Variants in SRD5A1 observed in about 807,000 individuals in gnomAD.
SRD5A1 encodes the protein 3-oxo-5-alpha-steroid 4-dehydrogenase 1.
A neutral mutation model predicts 28.2 loss-of-function variants in SRD5A1; 22 were observed. That is an observed-to-expected ratio of 0.78 (90% CI 0.56 to 1.12). The LOEUF is 1.12. Among genes scored for constraint, SRD5A1 ranks in the 50% most tolerant of loss-of-function variants. SRD5A1 has a pLI of 0.00. For synonymous variants in SRD5A1, 151 were observed against 135.0 expected, an observed-to-expected ratio of 1.12 and a Z score of -0.82; for missense variants, 300 against 346.7, an observed-to-expected ratio of 0.87 and a Z score of 1.07.
At chr5:6,641,292 C>T (rs944635379) in intron 1 of SRD5A1, among the ~76,000 whole-genome samples, 6 of 152,270 alleles carry the variant, frequency 3.9e-5, no homozygotes, top group Middle Eastern at 3.4e-3. Context: ...CCCCACCCCA[C>T]GCGAGTTCCA....
chr5:6,664,228 G>A (rs8192226), intron 4 of SRD5A1, among the ~76,000 whole-genome samples: 3,676 of 152,248 alleles, frequency 0.024, 165 homozygotes, highest in African/African-American at 0.083. Context: ...CTACTTCATG[G>A]AGTTTATCAT....
chr5:6,646,643 G>A (rs7736897), intron 1 of SRD5A1, among the ~76,000 whole-genome samples: 28,786 of 151,802 alleles, frequency 0.19, 3,261 homozygotes, highest in East Asian at 0.49. Context: ...ATTTTTTATT[G>A]CATCTATTTG....
At chr5:6,663,172 A>G (rs1038743159) in intron 4 of SRD5A1, among the ~76,000 whole-genome samples, 12 of 152,210 alleles carry the variant, frequency 7.9e-5, no homozygotes, top group Admixed American at 6.5e-4. Flanking sequence ...GTTGTTCTCT[A>G]TACCACGTCC....
Position 6,633,663 on chromosome 5 carries a change from G to A in SRD5A1, c.87G>A (p.Ala29=), listed in dbSNP as rs1393190251. ...GCGCCGTGGGCTGCGCGGTCTTCGC[G>A]CGCAATCGTCAGACGAACTCAGTGT... The part of the protein sequence containing the change: ...LQCAVGCAVF[A]RNRQTNSVYG... The change falls in exon 1 of 5, where the codon GCG becomes GCA. Residue 29 remains alanine, a synonymous_variant. Coordinates refer to ENST00000274192, the MANE Select transcript of SRD5A1 (RefSeq NM_001047.4). 15 of 1,578,558 alleles carry A rather than the reference G, an allele frequency of 9.5e-6. No individual in the cohort carries two copies. In the African/African-American group the frequency reaches 2.0e-4, roughly 21 times the overall value.
chr5:6,640,721 CAA>C (rs1267590333), intron 1 of SRD5A1, among the ~76,000 whole-genome samples: 1 of 152,136 alleles, frequency 6.6e-6, no homozygotes, highest in Non-Finnish European at 1.5e-5. Context: ...TGACAGAGAA[CAA>C]AGTGTCAGAT....
chr5:6,637,004 G>A (rs8192140), intron 1 of SRD5A1, among the ~76,000 whole-genome samples: 1 of 152,130 alleles, frequency 6.6e-6, no homozygotes, highest in Admixed American at 6.5e-5. Context: ...ACATTTTCAG[G>A]AACATCTTTA....
At chr5:6,648,142 G>A (rs1433600417) in intron 1 of SRD5A1, among the ~76,000 whole-genome samples, 1 of 152,194 alleles carries the variant, frequency 6.6e-6, no homozygotes, top group East Asian at 1.9e-4. Context: ...TCTGCCAAGA[G>A]ATCTGCTGTT....
At chr5:6,647,485 G>T (rs1579400958) in intron 1 of SRD5A1, among the ~76,000 whole-genome samples, 1 of 152,256 alleles carries the variant, frequency 6.6e-6, no homozygotes, top group South Asian at 2.1e-4. Context: ...ATATATCTAG[G>T]ATAGTTACCT....
At chr5:6,654,149 T>C (rs1434566249) in intron 2 of SRD5A1, among the ~76,000 whole-genome samples, 1 of 151,272 alleles carries the variant, frequency 6.6e-6, no homozygotes, top group Non-Finnish European at 1.5e-5. Flanking sequence ...GCCTCCTGAG[T>C]TCAAGAGATT....
chr5:6,637,920 T>C (rs945767020), intron 1 of SRD5A1, among the ~76,000 whole-genome samples: 2 of 152,242 alleles, frequency 1.3e-5, no homozygotes, highest in African/African-American at 4.8e-5. Flanking sequence ...GTAATCCTAT[T>C]AATGGGCTCC....
chr5:6,655,821 G>A (rs8192206), intron 2 of SRD5A1, among the ~76,000 whole-genome samples: 2,936 of 152,320 alleles, frequency 0.019, 41 homozygotes, highest in Non-Finnish European at 0.027. Context: ...TTGTCATCCT[G>A]AAGATGTAGA....
intron 3 of SRD5A1, among the ~76,000 whole-genome samples, chr5:6,658,941 C>T (rs969434376): frequency 2.0e-5 from 3 of 151,632 alleles, no homozygotes; most frequent in African/African-American, 7.3e-5. Flanking sequence ...GCCAGACTCC[C>T]ATCTCCACAA....
At chr5:6,664,529 C>T (rs775084343) in intron 4 of SRD5A1, among the ~76,000 whole-genome samples, 2 of 152,090 alleles carry the variant, frequency 1.3e-5, no homozygotes, top group Non-Finnish European at 2.9e-5. Context: ...CTCAGCCTTC[C>T]AAGTAGCTGG....
At chr5:6,636,425 GGCCAGGCAGA>G (rs1738186996) in intron 1 of SRD5A1, among the ~76,000 whole-genome samples, 1 of 152,182 alleles carries the variant, frequency 6.6e-6, no homozygotes, top group African/African-American at 2.4e-5. Context: ...AGGAGGCGCT[GGCCAGGCAGA>G]GCCAGTACCA....
At position 6,655,965 on chromosome 5, in the gene SRD5A1, CA is replaced by C. The variant is rs1738818983; in HGVS notation, c.461-112del. 15 of 755,596 alleles carry C rather than the reference CA, an allele frequency of 2.0e-5. 1 individual carries two copies. In the South Asian group the frequency reaches 2.4e-4, roughly 12 times the overall value. 46.8% of individuals were successfully genotyped at this position (755,596 alleles called of 1,614,324 possible). A position where few individuals can be genotyped will look rare whatever the true frequency, so the allele number is the denominator to read the frequency against. ...ACTACCAGTTATGGCTAATATGTTA[CA>C]CTAACAATGGTAATCTGAAGGGTTG... On this transcript the variant is annotated intron_variant, in intron 2 of 4. Transcript: ENST00000274192.
At position 6,668,384 on chromosome 5, in the gene SRD5A1, G is replaced by A; in HGVS notation, c.*116G>A. 1.6e-6 allele frequency: 1 copy of A among 633,720 alleles called. No individual in the cohort carries two copies. The highest frequency in any genetic ancestry group is 2.6e-6 in the Non-Finnish European group (1 of 391,050). The allele number at this position is 633,720 out of a possible 1,614,324, so 39.3% of individuals were successfully genotyped here. ...CCTGCTACTTTATCATTTTCAAGAT[G>A]TCCTCTAGGAATTTTTTTTCTAGTA... is the stretch of plus-strand genomic sequence containing the variant. On this transcript the variant is annotated 3_prime_UTR_variant, in exon 5 of 5. Coordinates refer to ENST00000274192, the MANE Select transcript of SRD5A1 (RefSeq NM_001047.4).
intron 4 of SRD5A1, among the ~76,000 whole-genome samples, chr5:6,664,432 T>G (rs1264567977): frequency 6.6e-6 from 1 of 152,038 alleles, no homozygotes; most frequent in Admixed American, 6.6e-5. Flanking sequence ...TAAGACAGCA[T>G]CTCACTCTGT....
chr5:6,638,104 C>T (rs1212485161), intron 1 of SRD5A1, among the ~76,000 whole-genome samples: 1 of 152,116 alleles, frequency 6.6e-6, no homozygotes, highest in African/African-American at 2.4e-5. Context: ...GCTGGGAGGC[C>T]GAGGAAGGTG....
rs1251005490 is a variant in SRD5A1, at chr5:6,640,883, T to C, written c.293+7014T>C. ...CATCCTTTTTAATCCAAGTGCTTCA[T>C]AGTTTCTCTTAAAAATGGTTTCCAT... On this transcript the variant is annotated intron_variant, in intron 1 of 4. Coordinates refer to ENST00000274192, the MANE Select transcript of SRD5A1 (RefSeq NM_001047.4). 2.0e-5 allele frequency among the ~76,000 whole-genome samples: 3 copies of C among 152,372 alleles called. No homozygotes were observed. The East Asian group carries it at 5.8e-4, about 29-fold the overall frequency.
Sources: allele counts gnomAD v4.1 joint callset (sites outside exome capture counted in the v4.1 genomes callset), GRCh38; gene constraint gnomAD v4.1.1; transcripts MANE v1.5; gene names NCBI Gene and HGNC (gene_info 2026-07-23, HGNC 2026-07-21).